PARD6G: variants seen among roughly 807,000 people sequenced by gnomAD.
PARD6G encodes partitioning defective 6 homolog gamma.
PARD6G carries 7 observed loss-of-function variants against 10.7 expected under a neutral mutation model. The observed-to-expected ratio is 0.66, with a 90% CI of 0.37 to 1.23. The LOEUF is 1.23. Ranked by LOEUF, PARD6G falls within the 50% of genes most tolerant of loss-of-function variation. PARD6G has a pLI of 0.02. For missense variants in PARD6G, 548 were observed against 571.8 expected (o/e 0.96, Z 0.42); for synonymous variants, 287 against 269.4 (o/e 1.07, Z -0.64).
chr18:80,226,648 A>G (rs1444688526), intron 1 of PARD6G, among the ~76,000 whole-genome samples: 2 of 152,180 alleles, frequency 1.3e-5, no homozygotes, highest in Non-Finnish European at 2.9e-5. Flanking sequence ...CTACTGGGGC[A>G]GTACCCCTGA....
At chr18:80,178,854 GT>G (rs1357221654) in intron 2 of PARD6G, among the ~76,000 whole-genome samples, 4 of 152,144 alleles carry the variant, frequency 2.6e-5, no homozygotes, top group Non-Finnish European at 4.4e-5. Context: ...GTAGGAGCAG[GT>G]CCACCCAAAA....
Position 80,158,350 on chromosome 18 carries a change from A to G in PARD6G, c.*1421T>C, listed in dbSNP as rs139473429. ...TGCATTCTCAAAGACATTGCTGGAC[A>G]TGTGCGATGCTTATCCTTCATTTCT... On this transcript the variant is annotated 3_prime_UTR_variant, in exon 3 of 3. Transcript: ENST00000353265. 2.8e-4 allele frequency: 42 copies of G among 152,376 alleles called. No individual in the cohort carries two copies. Among genetic ancestry groups the G allele is most frequent in the African/African-American group, 9.9e-4 (41 of 41,588 alleles). 9.4% of individuals were successfully genotyped at this position (152,376 alleles called of 1,614,324 possible). A position where few individuals can be genotyped will look rare whatever the true frequency, so the allele number is the denominator to read the frequency against.
intron 1 of PARD6G, among the ~76,000 whole-genome samples, chr18:80,241,192 C>T (rs1012157116): frequency 6.6e-6 from 1 of 152,200 alleles, no homozygotes; most frequent in Non-Finnish European, 1.5e-5. Context: ...AATGTGTGCA[C>T]CTGTGTCCTG....
rs765689287 is a variant in PARD6G, at chr18:80,157,452, A to G, written c.*2319T>C. ...TGAAAGCCTCATTTCTTAAAAAAAAACTCACATTTGCTTAACAACTTAAAA... is the reference window on the plus strand; with the variant it reads ...TGAAAGCCTCATTTCTTAAAAAAAAGCTCACATTTGCTTAACAACTTAAAA... On this transcript the variant is annotated 3_prime_UTR_variant, in exon 3 of 3. Transcript: ENST00000353265. The G allele has an allele frequency of 6.6e-6, 1 of 152,248 alleles. No homozygotes were observed. Among genetic ancestry groups the G allele is most frequent in the Admixed American group, 6.5e-5 (1 of 15,290 alleles). 9.4% of individuals were successfully genotyped at this position (152,248 alleles called of 1,614,324 possible).
In PARD6G at chr18:80,161,169, G is replaced by T. The variant is rs1294325129; in HGVS notation, c.296-563C>A. 6.6e-6 allele frequency among the ~76,000 whole-genome samples: 1 copy of T among 152,126 alleles called. No individual in the cohort carries two copies. Among genetic ancestry groups the T allele is most frequent in the Non-Finnish European group, 1.5e-5 (1 of 68,026 alleles). ...CGTGTGAGCATTTCCCTGCGTTTTT[G>T]GTTAGCAGCTGATGAGGGGAGATGA... On this transcript the variant is annotated intron_variant, in intron 2 of 2. Coordinates refer to ENST00000353265, the MANE Select transcript of PARD6G (RefSeq NM_032510.4). This position sits in a 1 kb window ranked among gnomAD's most constrained non-coding sequence, Gnocchi z 4.6.
chr18:80,194,416 A>G (rs1966931140), intron 2 of PARD6G, among the ~76,000 whole-genome samples: 1 of 152,328 alleles, frequency 6.6e-6, no homozygotes, highest in South Asian at 2.1e-4. Context: ...TTGAAGCCTC[A>G]GTGTCATCAT....
intron 1 of PARD6G, among the ~76,000 whole-genome samples, chr18:80,219,036 A>G (rs1393737747): frequency 3.3e-5 from 5 of 152,180 alleles, no homozygotes; most frequent in African/African-American, 4.8e-5. Context: ...GGCCCAGGAA[A>G]CCACTTTTCT....
At chr18:80,224,490 T>A (rs1042915709) in intron 1 of PARD6G, among the ~76,000 whole-genome samples, 3 of 152,234 alleles carry the variant, frequency 2.0e-5, no homozygotes, top group Non-Finnish European at 4.4e-5. Context: ...ATGTTTGGTG[T>A]GTGCTTCAAA....
rs1477336434 is a variant in PARD6G at position 80,161,089 on chromosome 18, A to G, written c.296-483T>C. Among the ~76,000 whole-genome samples, 1 of 152,128 alleles carries G rather than the reference A, an allele frequency of 6.6e-6. No homozygotes were observed. Among genetic ancestry groups the G allele is most frequent in the Non-Finnish European group, 1.5e-5 (1 of 68,020 alleles). Reference sequence around the variant, plus strand: ...TTCTTCTTTTCTATGCGCAAGCCCCACCACAGTGTCTTCTAGCCAGCATTC... The same window carrying G: ...TTCTTCTTTTCTATGCGCAAGCCCCGCCACAGTGTCTTCTAGCCAGCATTC... On this transcript the variant is annotated intron_variant, in intron 2 of 2. Coordinates refer to ENST00000353265, the MANE Select transcript of PARD6G (RefSeq NM_032510.4). This position sits in a 1 kb window ranked among gnomAD's most constrained non-coding sequence, Gnocchi z 4.6.
chr18:80,240,839 C>T (rs1164725304), intron 1 of PARD6G, among the ~76,000 whole-genome samples: 1 of 152,170 alleles, frequency 6.6e-6, no homozygotes, highest in Non-Finnish European at 1.5e-5. Context: ...AGACAAAGGA[C>T]ATTCCACCTC....
intron 2 of PARD6G, among the ~76,000 whole-genome samples, chr18:80,167,998 C>T (rs774037996): frequency 6.6e-6 from 1 of 152,124 alleles, no homozygotes; most frequent in Non-Finnish European, 1.5e-5. Context: ...GTGGAGGAAA[C>T]GGGCCGACAC....
chr18:80,236,285 T>C (rs1323806938), intron 1 of PARD6G, among the ~76,000 whole-genome samples: 1 of 152,154 alleles, frequency 6.6e-6, no homozygotes, highest in Non-Finnish European at 1.5e-5. Context: ...GAAAAGGCCT[T>C]TGACAAAATT....
At chr18:80,191,846 C>G (rs1464675543) in intron 2 of PARD6G, among the ~76,000 whole-genome samples, 1 of 152,128 alleles carries the variant, frequency 6.6e-6, no homozygotes, top group East Asian at 1.9e-4. Flanking sequence ...TGTTTATTAA[C>G]TAAATGTGCT....
chr18:80,210,925 T>C (rs1237943263), intron 1 of PARD6G, among the ~76,000 whole-genome samples: 1 of 151,028 alleles, frequency 6.6e-6, no homozygotes, highest in Non-Finnish European at 1.5e-5. Context: ...CACTAGTCAT[T>C]CCTTTGAGTC....
At chr18:80,224,464 G>C (rs564386289) in intron 1 of PARD6G, among the ~76,000 whole-genome samples, 1 of 152,146 alleles carries the variant, frequency 6.6e-6, no homozygotes, top group Admixed American at 6.5e-5. Context: ...TCTCACTGTC[G>C]GCACAAACAG....
chr18:80,234,835 C>T lies in PARD6G; in HGVS notation c.72+12442G>A, dbSNP rs573934193. Among the ~76,000 whole-genome samples the T allele has an allele frequency of 5.3e-5, 8 of 152,284 alleles. No individual in the cohort carries two copies. In the East Asian group the frequency reaches 5.8e-4, roughly 11 times the overall value. ...ATCCTAAATATATATGCACCCAATA[C>T]AGGAGCACCCAGATTCATAAAGCAA... On this transcript the variant is annotated intron_variant, in intron 1 of 2. Transcript: ENST00000353265.
chr18:80,230,034 G>A (rs912849915), intron 1 of PARD6G, among the ~76,000 whole-genome samples: 1 of 152,208 alleles, frequency 6.6e-6, no homozygotes, highest in African/African-American at 2.4e-5. Flanking sequence ...TTCAGAGGAA[G>A]AAGACCCTCA....
chr18:80,223,516 T>C (rs1011080071), intron 1 of PARD6G, among the ~76,000 whole-genome samples: 26 of 152,120 alleles, frequency 1.7e-4, no homozygotes, highest in African/African-American at 2.4e-4. Flanking sequence ...ATCAAAAGCA[T>C]AGGAGTCACT....
At position 80,223,278 on chromosome 18, in the gene PARD6G, A is replaced by C. The variant is rs142485797; in HGVS notation, c.73-20346T>G. 2.0e-3 allele frequency among the ~76,000 whole-genome samples: 299 copies of C among 152,326 alleles called. 1 individual carries two copies. Among genetic ancestry groups the C allele is most frequent in the African/African-American group, 6.8e-3 (284 of 41,578 alleles). On this transcript the variant is annotated intron_variant, in intron 1 of 2. Transcript: ENST00000353265. ...AAAAAAGATAAACTGGACTTCATTA[A>C]ACTTAAAAACCTTTGTGCTTCAAGG... is the stretch of plus-strand genomic sequence containing the variant.
Sources: gnomAD v4.1 joint callset for allele counts (sites outside exome capture counted in the v4.1 genomes callset) on GRCh38, gnomAD v4.1.1 for gene constraint, Gnocchi (gnomAD v3.1) non-coding constraint, MANE v1.5 for transcripts, NCBI Gene and HGNC (gene_info 2026-07-23, HGNC 2026-07-21) for gene names.